Variants in ZFPM2 observed in about 807,000 individuals in gnomAD.
ZFPM2 encodes the protein zinc finger protein ZFPM2.
A neutral mutation model predicts 98.6 loss-of-function variants in ZFPM2; 20 were observed. The ratio of observed to expected loss-of-function variants is 0.20; its 90% CI spans 0.14 to 0.29. The LOEUF (loss-of-function observed/expected upper bound fraction) is 0.29, where lower values mean the gene tolerates loss of function less well. Ranked by LOEUF, ZFPM2 falls within the 10% of genes least tolerant of loss-of-function variation. ZFPM2 has a pLI of 1.00. For missense variants in ZFPM2, 1,310 were observed against 1,388.6 expected, an observed-to-expected ratio of 0.94 and a Z score of 0.90; for synonymous variants, 518 against 502.7, an observed-to-expected ratio of 1.03 and a Z score of -0.41.
chr8:105,693,108 G>A (rs769572911), intron 5 of ZFPM2, among the ~76,000 whole-genome samples: 10 of 152,200 alleles, frequency 6.6e-5, no homozygotes, highest in Non-Finnish European at 1.3e-4. Context: ...AAACACAAGT[G>A]TGGAGATATT....
intron 4 of ZFPM2, among the ~76,000 whole-genome samples, chr8:105,612,477 T>C (rs1816327161): frequency 6.6e-6 from 1 of 152,158 alleles, no homozygotes; most frequent in Non-Finnish European, 1.5e-5. Context: ...CAGTTCCAAA[T>C]GGTACATTTT....
chr8:105,372,005 AT>A (rs1810630744), intron 1 of ZFPM2, among the ~76,000 whole-genome samples: 8 of 1,862 alleles, frequency 4.3e-3, no homozygotes, highest in East Asian at 0.059. Context: ...AAATAGTGAA[AT>A]TATTATTATT....
intron 3 of ZFPM2, among the ~76,000 whole-genome samples, chr8:105,496,323 T>C (rs1480477881): frequency 6.6e-6 from 1 of 151,974 alleles, no homozygotes; most frequent in Non-Finnish European, 1.5e-5. Flanking sequence ...GCATTGGTGG[T>C]TCAGTGGTTT....
intron 1 of ZFPM2, among the ~76,000 whole-genome samples, chr8:105,382,878 T>C (rs1299631026): frequency 6.6e-6 from 1 of 152,082 alleles, no homozygotes; most frequent in African/African-American, 2.4e-5. Context: ...CTTTGAAGCT[T>C]TGGTGACGAT....
intron 5 of ZFPM2, chr8:105,784,710 G>C (rs1360735517): frequency 1.4e-5 from 2 of 145,534 alleles, no homozygotes; most frequent in African/African-American, 5.7e-5. Context: ...GAAACTGATA[G>C]GTAGAATGCT....
chr8:105,486,623 A>G (rs1813235404), intron 3 of ZFPM2, among the ~76,000 whole-genome samples: 2 of 152,196 alleles, frequency 1.3e-5, no homozygotes, highest in African/African-American at 2.4e-5. Flanking sequence ...AAAGAACATC[A>G]CTGAAATTTA....
At chr8:105,576,027 C>A (rs1187552284) in intron 4 of ZFPM2, among the ~76,000 whole-genome samples, 1 of 152,256 alleles carries the variant, frequency 6.6e-6, no homozygotes, top group Non-Finnish European at 1.5e-5. Flanking sequence ...ATTCATACAG[C>A]TAAGAAAATT....
chr8:105,484,398 A>G (rs1026897176), intron 3 of ZFPM2, among the ~76,000 whole-genome samples: 1 of 152,038 alleles, frequency 6.6e-6, no homozygotes, highest in African/African-American at 2.4e-5. Context: ...TTATTTCTAG[A>G]AATTTTATTT....
Position 105,634,232 on chromosome 8 carries a change from C to T in ZFPM2, c.421-14C>T. The T allele has an allele frequency of 1.2e-6, 2 of 1,600,204 alleles. No individual in the cohort carries two copies. The highest frequency in any genetic ancestry group is 1.7e-6 in the Non-Finnish European group (2 of 1,171,026). On this transcript the variant is annotated splice_polypyrimidine_tract_variant and intron_variant, in intron 4 of 7. Coordinates refer to ENST00000407775, the MANE Select transcript of ZFPM2 (RefSeq NM_012082.4). ...GAAGCAAATGGCATCTGTTTGTTAT[C>T]ATTCTTTCTACAGAAGACAAAGGCT...
chr8:105,346,527 T>C (rs536273591), intron 1 of ZFPM2, among the ~76,000 whole-genome samples: 20 of 152,166 alleles, frequency 1.3e-4, no homozygotes, highest in African/African-American at 4.6e-4. Context: ...TGGGAAACAG[T>C]GAGATGCAGT....
At chr8:105,724,910 C>T (rs186076132) in intron 5 of ZFPM2, among the ~76,000 whole-genome samples, 1 of 151,648 alleles carries the variant, frequency 6.6e-6, no homozygotes, top group East Asian at 2.0e-4. Flanking sequence ...CACAAATCTC[C>T]AAAATTTTTT....
chr8:105,700,836 CA>C (rs1334969653), intron 5 of ZFPM2, among the ~76,000 whole-genome samples: 1 of 152,198 alleles, frequency 6.6e-6, no homozygotes, highest in Non-Finnish European at 1.5e-5. Context: ...CCTCATGATC[CA>C]GCCACCGCCT....
At chr8:105,493,047 A>G (rs1813387792) in intron 3 of ZFPM2, among the ~76,000 whole-genome samples, 1 of 152,188 alleles carries the variant, frequency 6.6e-6, no homozygotes, top group Non-Finnish European at 1.5e-5. Flanking sequence ...CCACTGTGGA[A>G]GCAGCATTTA....
chr8:105,572,033 CTT>C (rs869198147), intron 4 of ZFPM2, among the ~76,000 whole-genome samples: 81 of 103,364 alleles, frequency 7.8e-4, no homozygotes, highest in African/African-American at 2.1e-3. Context: ...GGGTAAATTT[CTT>C]TTTTTTTTTT....
chr8:105,328,625 T>C (rs1271585108), intron 1 of ZFPM2, among the ~76,000 whole-genome samples: 1 of 151,900 alleles, frequency 6.6e-6, no homozygotes, highest in Admixed American at 6.6e-5. Context: ...AACATGTTTT[T>C]TCCAAGACTG....
chr8:105,382,249 G>A (rs1810903803), intron 1 of ZFPM2, among the ~76,000 whole-genome samples: 1 of 151,868 alleles, frequency 6.6e-6, no homozygotes, highest in Admixed American at 6.6e-5. Flanking sequence ...TTCTGTGTAT[G>A]CAATGCACTC....
intron 5 of ZFPM2, among the ~76,000 whole-genome samples, chr8:105,750,898 G>A (rs1471253861): frequency 6.6e-6 from 1 of 152,044 alleles, no homozygotes; most frequent in Non-Finnish European, 1.5e-5. Flanking sequence ...CAAAGCTAAA[G>A]AGAGTTTTCG....
At chr8:105,549,619 T>A (rs1814803090) in intron 3 of ZFPM2, among the ~76,000 whole-genome samples, 1 of 147,208 alleles carries the variant, frequency 6.8e-6, no homozygotes, top group African/African-American at 2.5e-5. Context: ...CTCTCTCTTT[T>A]TTTTTTAATT....
intron 2 of ZFPM2, among the ~76,000 whole-genome samples, chr8:105,441,688 T>C (rs1341943953): frequency 1.3e-5 from 2 of 152,060 alleles, no homozygotes; most frequent in Non-Finnish European, 2.9e-5. Context: ...AGTTTGCTAA[T>C]TACATGACAT....
Sources: allele counts gnomAD v4.1 joint callset (sites outside exome capture counted in the v4.1 genomes callset), GRCh38; gene constraint gnomAD v4.1.1; transcripts MANE v1.5; gene names NCBI Gene and HGNC (gene_info 2026-07-23, HGNC 2026-07-21).